PDZD8: variants seen among roughly 807,000 people sequenced by gnomAD.
PDZD8 encodes PDZ domain containing 8, also known as PDZ domain-containing protein 8.
PDZD8 carries 14 observed loss-of-function variants against 85.8 expected under a neutral mutation model. The ratio of observed to expected loss-of-function variants is 0.16; its 90% CI spans 0.11 to 0.26. The LOEUF (loss-of-function observed/expected upper bound fraction) is 0.26. PDZD8 is among the 10% of genes least tolerant of loss of function. The probability of loss-of-function intolerance (pLI) is 1.00; values close to 1 mark genes in which losing one functional copy is unlikely to be tolerated. For synonymous variants in PDZD8, 592 were observed against 568.6 expected (o/e 1.04, Z -0.59); for missense variants, 1,197 against 1,424.3 (o/e 0.84, Z 2.57).
chr10:117,344,587 C>T (rs1040104072), intron 1 of PDZD8, among the ~76,000 whole-genome samples: 2 of 152,082 alleles, frequency 1.3e-5, no homozygotes, highest in Non-Finnish European at 2.9e-5. Flanking sequence ...TGGGGTTTCA[C>T]CGTGTTAGCC....
At chr10:117,350,363 C>T (rs1282063948) in intron 1 of PDZD8, among the ~76,000 whole-genome samples, 1 of 149,740 alleles carries the variant, frequency 6.7e-6, no homozygotes, top group East Asian at 2.0e-4. Flanking sequence ...CTCCCGGATT[C>T]AAGCTATTCT....
intron 2 of PDZD8, among the ~76,000 whole-genome samples, chr10:117,340,089 TG>T (rs942495415): frequency 1.3e-5 from 2 of 152,232 alleles, no homozygotes; most frequent in African/African-American, 2.4e-5. Flanking sequence ...ACTTTGGTGC[TG>T]GCAAAGTAAA....
At chr10:117,355,187 T>G (rs577614331) in intron 1 of PDZD8, among the ~76,000 whole-genome samples, 1 of 152,260 alleles carries the variant, frequency 6.6e-6, no homozygotes, top group South Asian at 2.1e-4. Context: ...CTGTATTATT[T>G]CTCCTGAGAA....
Position 117,283,664 on chromosome 10 carries a change from C to T in PDZD8, c.3069G>A (p.Leu1023=), listed in dbSNP as rs147188948. ...FIAVKEIGRD[L]YRGLPTEERI... ...TTTCCTCTGTAGGCAAGCCCCTGTA[C>T]AGATCACGACCAATTTCTTTAACTG... Residue 1023 remains leucine (L), a synonymous_variant, in exon 5 of 5, where the codon CTG becomes CTA. Coordinates refer to ENST00000334464, the MANE Select transcript of PDZD8 (RefSeq NM_173791.5). 5.0e-6 allele frequency: 8 copies of T among 1,614,096 alleles called. No homozygotes were observed. Among genetic ancestry groups the T allele is most frequent in the African/African-American group, 2.7e-5 (2 of 74,934 alleles).
At position 117,319,956 on chromosome 10, in the gene PDZD8, T is replaced by A. The variant is rs901933933; in HGVS notation, c.996-982A>T. 9.9e-5 allele frequency among the ~76,000 whole-genome samples: 15 copies of A among 151,810 alleles called. No homozygotes were observed. The South Asian group carries it at 1.5e-3, about 15-fold the overall frequency. ...GTGGATAAAACACATTAGAGAAATT[T>A]AAAAAAAACTGTGTCCGCAGGTTAA... On this transcript the variant is annotated intron_variant, in intron 2 of 4. Coordinates refer to ENST00000334464, the MANE Select transcript of PDZD8 (RefSeq NM_173791.5).
At chr10:117,319,420 C>T (rs1844188356) in intron 2 of PDZD8, among the ~76,000 whole-genome samples, 1 of 101,920 alleles carries the variant, frequency 9.8e-6, no homozygotes, top group Admixed American at 1.1e-4. Context: ...CACACACACA[C>T]ACACACACAC....
intron 1 of PDZD8, among the ~76,000 whole-genome samples, chr10:117,372,790 G>C (rs1053382696): frequency 2.0e-5 from 3 of 152,172 alleles, no homozygotes; most frequent in African/African-American, 7.2e-5. Context: ...CTCCTGCCAC[G>C]CAAGTTTTAA....
rs908605033 is a variant in PDZD8 at position 117,277,356 on chromosome 10, C to A, written c.*5912G>T. 3.7e-5 allele frequency: 26 copies of A among 704,494 alleles called. No individual in the cohort carries two copies. The highest frequency in any genetic ancestry group is 2.5e-4 in the Middle Eastern group (1 of 4,072). 43.6% of individuals were successfully genotyped at this position (704,494 alleles called of 1,614,324 possible). ...TCATCCAGAACTGTCTTAGTCATAC[C>A]ATCCATCCCTGGTGAAAGAGTAAAA... is the stretch of plus-strand genomic sequence containing the variant. On this transcript the variant is annotated 3_prime_UTR_variant, in exon 5 of 5. Coordinates refer to ENST00000334464, the MANE Select transcript of PDZD8 (RefSeq NM_173791.5).
At chr10:117,353,875 C>T (rs1423415134) in intron 1 of PDZD8, among the ~76,000 whole-genome samples, 1 of 152,094 alleles carries the variant, frequency 6.6e-6, no homozygotes, top group Non-Finnish European at 1.5e-5. Flanking sequence ...TGGTTTCTGT[C>T]TTCCTGTTTC....
chr10:117,364,458 C>T (rs938409079), intron 1 of PDZD8, among the ~76,000 whole-genome samples: 3 of 148,126 alleles, frequency 2.0e-5, no homozygotes, highest in Admixed American at 1.4e-4. Context: ...AGTTTCTATA[C>T]GCACACAGAC....
chr10:117,347,652 A>T (rs1438636972), intron 1 of PDZD8, among the ~76,000 whole-genome samples: 2 of 151,504 alleles, frequency 1.3e-5, no homozygotes, highest in East Asian at 3.9e-4. Flanking sequence ...ACAAAAAAAA[A>T]TGGAAATTCT....
At chr10:117,346,116 C>T (rs1844702971) in intron 1 of PDZD8, among the ~76,000 whole-genome samples, 2 of 151,158 alleles carry the variant, frequency 1.3e-5, no homozygotes, top group South Asian at 4.2e-4. Flanking sequence ...TGGCATGCAC[C>T]TGTAATCCCA....
intron 1 of PDZD8, among the ~76,000 whole-genome samples, chr10:117,363,176 ATTAT>A (rs1845026183): frequency 6.6e-6 from 1 of 152,156 alleles, no homozygotes; most frequent in Non-Finnish European, 1.5e-5. Flanking sequence ...AAAGCTTTGA[ATTAT>A]TTATTTGCAT....
intron 2 of PDZD8, among the ~76,000 whole-genome samples, chr10:117,323,606 G>A (rs1204166144): frequency 6.6e-6 from 1 of 152,036 alleles, no homozygotes; most frequent in Non-Finnish European, 1.5e-5. Context: ...TGGTATTACT[G>A]ACCTCTACCA....
chr10:117,306,188 A>G (rs564556882), intron 3 of PDZD8, among the ~76,000 whole-genome samples: 1 of 152,338 alleles, frequency 6.6e-6, no homozygotes, highest in African/African-American at 2.4e-5. Flanking sequence ...GAATGTATCC[A>G]CTGGTCACCT....
At chr10:117,357,523 T>C (rs758950831) in intron 1 of PDZD8, among the ~76,000 whole-genome samples, 13 of 151,888 alleles carry the variant, frequency 8.6e-5, no homozygotes, top group Middle Eastern at 3.2e-3. Flanking sequence ...CCCAACATTT[T>C]GGGAGGCCGA....
intron 1 of PDZD8, among the ~76,000 whole-genome samples, chr10:117,346,523 GGCA>G (rs1030615612): frequency 2.6e-5 from 4 of 150,978 alleles, no homozygotes; most frequent in Non-Finnish European, 5.9e-5. Flanking sequence ...GTAATTTTTA[GGCA>G]GCAAGAAAGG....
At chr10:117,309,302 GA>G (rs1285450396) in intron 3 of PDZD8, among the ~76,000 whole-genome samples, 2 of 150,588 alleles carry the variant, frequency 1.3e-5, no homozygotes, top group African/African-American at 4.9e-5. Context: ...TACCCTATAT[GA>G]AAAAAAGAGA....
At chr10:117,371,054 G>A (rs1383435337) in intron 1 of PDZD8, among the ~76,000 whole-genome samples, 2 of 151,884 alleles carry the variant, frequency 1.3e-5, no homozygotes, top group Non-Finnish European at 2.9e-5. Flanking sequence ...TTCCTCATCT[G>A]TAAAAAAAGA....
Sources: allele counts gnomAD v4.1 joint callset (sites outside exome capture counted in the v4.1 genomes callset), GRCh38; gene constraint gnomAD v4.1.1; transcripts MANE v1.5; gene names NCBI Gene and HGNC (gene_info 2026-07-23, HGNC 2026-07-21).